Variants in TMEM132D observed in about 807,000 individuals in gnomAD.
TMEM132D encodes the protein transmembrane protein 132D.
In TMEM132D, 21 loss-of-function variants were observed where a neutral mutation model predicts 62.3. That is an observed-to-expected ratio of 0.34 (90% CI 0.24 to 0.49). The LOEUF (loss-of-function observed/expected upper bound fraction) is 0.49. Among genes scored for constraint, TMEM132D ranks in the 20% least tolerant of loss-of-function variants. The pLI is 0.99. For synonymous variants in TMEM132D, 621 were observed against 575.6 expected (o/e 1.08, Z -1.13); for missense variants, 1,346 against 1,402.8 (o/e 0.96, Z 0.65).
chr12:129,779,295 TTTTG>T lies in TMEM132D; in HGVS notation c.80-78601_80-78598del, dbSNP rs1871044345. Reference sequence around the variant, plus strand: ...TCCAGCTGGCCATGTGCTCAGTGATTTTTGTTTGTTTGAGACAGGGTCTCACTTT... The same window carrying T: ...TCCAGCTGGCCATGTGCTCAGTGATTTTTGTTTGAGACAGGGTCTCACTTT... On this transcript the variant is annotated intron_variant, in intron 1 of 8. Coordinates refer to ENST00000422113, the MANE Select transcript of TMEM132D (RefSeq NM_133448.3). This position sits in a 1 kb window ranked among gnomAD's most constrained non-coding sequence, Gnocchi z 4.1. Among the ~76,000 whole-genome samples the T allele has an allele frequency of 1.3e-5, 2 of 152,198 alleles. No individual in the cohort carries two copies. Among genetic ancestry groups the T allele is most frequent in the Non-Finnish European group, 2.9e-5 (2 of 68,030 alleles).
chr12:129,615,604 CA>C (rs1168313195), intron 2 of TMEM132D, among the ~76,000 whole-genome samples: 1 of 141,926 alleles, frequency 7.0e-6, no homozygotes, highest in East Asian at 2.1e-4. Context: ...AAAAAAAGAA[CA>C]AAAAAACTAA....
intron 4 of TMEM132D, among the ~76,000 whole-genome samples, chr12:129,295,300 C>T (rs571550619): frequency 9.9e-5 from 15 of 152,062 alleles, no homozygotes; most frequent in Admixed American, 3.9e-4. Context: ...AGAACACTGC[C>T]GGCTACACAC....
At chr12:129,812,802 C>A (rs1365841871) in intron 1 of TMEM132D, among the ~76,000 whole-genome samples, 1 of 151,678 alleles carries the variant, frequency 6.6e-6, no homozygotes, top group Admixed American at 6.6e-5. Flanking sequence ...CCCCCCTTAA[C>A]CTCTCCATAC....
chr12:129,074,148 T>A lies in TMEM132D; in HGVS notation c.3027A>T (p.Gln1009His). Reference protein sequence around the residue: ...ESKYLLSTNSQKSINGQLFKP... With the variant: ...ESKYLLSTNSHKSINGQLFKP... ...TGAACAGCTGCCCATTGATGCTTTT[T>A]TGGGAGTTTGTGCTGAGGAGATATT... The change falls in exon 9 of 9, where the codon CAA (glutamine) becomes CAT (histidine). Residue 1009 changes from glutamine (Q) to histidine (H), a missense_variant. Gln to His is a conservative substitution (Grantham distance 24). Coordinates refer to ENST00000422113, the MANE Select transcript of TMEM132D (RefSeq NM_133448.3). 1 of 1,614,138 alleles carries A rather than the reference T, an allele frequency of 6.2e-7. No homozygotes were observed. The highest frequency in any genetic ancestry group is 1.1e-5 in the South Asian group (1 of 91,068).
At chr12:129,297,544 T>C (rs1431855741) in intron 4 of TMEM132D, among the ~76,000 whole-genome samples, 4 of 152,196 alleles carry the variant, frequency 2.6e-5, no homozygotes, top group African/African-American at 9.6e-5. Context: ...TTAGTAAGAA[T>C]TGGCTTCAAA....
At chr12:129,540,683 C>T (rs2137097427) in intron 2 of TMEM132D, among the ~76,000 whole-genome samples, 1 of 152,288 alleles carries the variant, frequency 6.6e-6, no homozygotes, top group East Asian at 1.9e-4. Flanking sequence ...GATGGGGTTT[C>T]ACTATGCTGG....
intron 4 of TMEM132D, among the ~76,000 whole-genome samples, chr12:129,212,921 C>T (rs1271314216): frequency 2.0e-5 from 3 of 152,134 alleles, no homozygotes; most frequent in Non-Finnish European, 4.4e-5. Context: ...CAATAACAGC[C>T]CCTGTCTTGC....
chr12:129,107,086 G>T (rs542326419), intron 5 of TMEM132D, among the ~76,000 whole-genome samples: 1 of 152,268 alleles, frequency 6.6e-6, no homozygotes, highest in East Asian at 1.9e-4. Flanking sequence ...CATATAGTAG[G>T]CACACAAGAA....
intron 2 of TMEM132D, among the ~76,000 whole-genome samples, chr12:129,557,900 T>C (rs538604482): frequency 1.3e-5 from 2 of 152,306 alleles, no homozygotes; most frequent in African/African-American, 4.8e-5. Context: ...ATACATAAAG[T>C]TCTACATTGA....
At chr12:129,722,269 G>A (rs980704300) in intron 1 of TMEM132D, among the ~76,000 whole-genome samples, 2 of 152,170 alleles carry the variant, frequency 1.3e-5, no homozygotes, top group African/African-American at 2.4e-5. Context: ...GAACCTATCC[G>A]GGTTGGGCCA....
intron 1 of TMEM132D, among the ~76,000 whole-genome samples, chr12:129,805,347 T>G (rs1340371694): frequency 6.6e-6 from 1 of 151,942 alleles, no homozygotes; most frequent in Non-Finnish European, 1.5e-5. Flanking sequence ...AACAGAGATA[T>G]AGACCAATGG....
chr12:129,773,936 G>T (rs886121508), intron 1 of TMEM132D, among the ~76,000 whole-genome samples: 1 of 152,140 alleles, frequency 6.6e-6, no homozygotes, highest in Non-Finnish European at 1.5e-5. Flanking sequence ...TACAGCTCTG[G>T]TTACTAAATG....
intron 1 of TMEM132D, among the ~76,000 whole-genome samples, chr12:129,804,518 T>C (rs1017823429): frequency 1.3e-4 from 20 of 151,086 alleles, no homozygotes; most frequent in African/African-American, 4.2e-4. Context: ...TCTCAATAAA[T>C]TAGGTATTGA....
At chr12:129,623,748 C>CACAT (rs1879141921) in intron 2 of TMEM132D, among the ~76,000 whole-genome samples, 1 of 146,894 alleles carries the variant, frequency 6.8e-6, no homozygotes, top group Non-Finnish European at 1.5e-5. Context: ...TATATATACA[C>CACAT]ATATATATAC....
chr12:129,621,326 C>A (rs11609886), intron 2 of TMEM132D, among the ~76,000 whole-genome samples: 42,569 of 152,042 alleles, frequency 0.28, 6,607 homozygotes, highest in Non-Finnish European at 0.35. Context: ...TCCCCACCTG[C>A]CATCACCCTG....
chr12:129,278,676 G>A (rs767166187), intron 4 of TMEM132D, among the ~76,000 whole-genome samples: 2 of 152,122 alleles, frequency 1.3e-5, no homozygotes, highest in Non-Finnish European at 2.9e-5. Flanking sequence ...GCTCTGGGAG[G>A]AATAAAGACA....
intron 5 of TMEM132D, among the ~76,000 whole-genome samples, chr12:129,157,339 G>C (rs1877277476): frequency 6.6e-6 from 1 of 152,182 alleles, no homozygotes; most frequent in Non-Finnish European, 1.5e-5. Context: ...ATAAACTCTG[G>C]GGGACACATT....
At chr12:129,600,726 G>A (rs1156487889) in intron 2 of TMEM132D, among the ~76,000 whole-genome samples, 1 of 152,210 alleles carries the variant, frequency 6.6e-6, no homozygotes, top group Non-Finnish European at 1.5e-5. Flanking sequence ...CAGTAACATT[G>A]TTAAAGGCAT....
chr12:129,338,822 C>A (rs1210447897), intron 3 of TMEM132D, among the ~76,000 whole-genome samples: 2 of 152,142 alleles, frequency 1.3e-5, no homozygotes, highest in Non-Finnish European at 2.9e-5. Context: ...TTTATCACAC[C>A]GTCAATCTCA....
Sources: gnomAD v4.1 joint callset for allele counts (sites outside exome capture counted in the v4.1 genomes callset) on GRCh38, gnomAD v4.1.1 for gene constraint, Gnocchi (gnomAD v3.1) non-coding constraint, MANE v1.5 for transcripts, NCBI Gene and HGNC (gene_info 2026-07-23, HGNC 2026-07-21) for gene names.